Variants in SLC44A5 observed in about 807,000 individuals in gnomAD.
SLC44A5 encodes the protein choline transporter-like protein 5.
SLC44A5 carries 57 observed loss-of-function variants against 101.8 expected under a neutral mutation model. That is an observed-to-expected ratio of 0.56 (90% confidence interval 0.45 to 0.70). The LOEUF is 0.70. Among genes scored for constraint, SLC44A5 ranks in the 30% least tolerant of loss-of-function variants. SLC44A5 has a pLI of 0.00. For synonymous variants in SLC44A5, 281 were observed against 290.9 expected, an observed-to-expected ratio of 0.97 and a Z score of 0.35; for missense variants, 737 against 853.1, an observed-to-expected ratio of 0.86 and a Z score of 1.70.
At chr1:75,468,049 T>A (rs1044586518) in intron 2 of SLC44A5, among the ~76,000 whole-genome samples, 1 of 151,862 alleles carries the variant, frequency 6.6e-6, no homozygotes, top group Admixed American at 6.6e-5. Flanking sequence ...AAAAAAGGCA[T>A]ACAAAAGGCA....
intron 3 of SLC44A5, among the ~76,000 whole-genome samples, chr1:75,392,681 T>TA (rs1661869452): frequency 6.6e-6 from 1 of 152,158 alleles, no homozygotes; most frequent in Non-Finnish European, 1.5e-5. Flanking sequence ...GAAATTGTTC[T>TA]ACCAAAAAGA....
chr1:75,668,539 C>T, the SLC44A5 span, among the ~76,000 whole-genome samples: 1 of 151,094 alleles, frequency 6.6e-6, no homozygotes, highest in East Asian at 1.9e-4. Flanking sequence ...GTCAGCTGGT[C>T]TCCAGCTCCT....
chr1:75,670,426 G>T, the SLC44A5 span, among the ~76,000 whole-genome samples: 76 of 152,158 alleles, frequency 5.0e-4, 1 homozygote, highest in South Asian at 0.015. Context: ...GAATGAAAGG[G>T]AATTTGCCTT....
At chr1:75,516,396 A>G (rs993014849) in intron 2 of SLC44A5, among the ~76,000 whole-genome samples, 2 of 152,182 alleles carry the variant, frequency 1.3e-5, no homozygotes, top group Non-Finnish European at 2.9e-5. Flanking sequence ...GGGCGCCTGT[A>G]GTCCCAGCTA....
intron 2 of SLC44A5, among the ~76,000 whole-genome samples, chr1:75,482,556 C>G (rs982096301): frequency 7.9e-5 from 12 of 152,136 alleles, no homozygotes; most frequent in African/African-American, 2.9e-4. Flanking sequence ...CTGCAACAGT[C>G]TCTGATGTTT....
chr1:75,647,164 C>A, the SLC44A5 span, among the ~76,000 whole-genome samples: 1 of 152,304 alleles, frequency 6.6e-6, no homozygotes, highest in South Asian at 2.1e-4. Context: ...TGGTGCCCTG[C>A]ATCTCAGCCA....
intron 3 of SLC44A5, among the ~76,000 whole-genome samples, chr1:75,379,827 G>T (rs1303152848): frequency 1.2e-5 from 1 of 82,166 alleles, no homozygotes; most frequent in Non-Finnish European, 2.1e-5. Context: ...ACATTTGGAA[G>T]AAAATGTTAT....
At chr1:75,503,732 T>G (rs1669093568) in intron 2 of SLC44A5, among the ~76,000 whole-genome samples, 1 of 152,128 alleles carries the variant, frequency 6.6e-6, no homozygotes, top group South Asian at 2.1e-4. Context: ...GTCATAATAC[T>G]TAGGTTGCAA....
the SLC44A5 span, among the ~76,000 whole-genome samples, chr1:75,640,848 G>A: frequency 6.6e-6 from 1 of 152,032 alleles, no homozygotes; most frequent in Non-Finnish European, 1.5e-5. Flanking sequence ...GGGCTTCATG[G>A]CCTTCTGAGG....
intron 1 of SLC44A5, among the ~76,000 whole-genome samples, chr1:75,542,029 T>C (rs1671380662): frequency 6.6e-6 from 1 of 152,142 alleles, no homozygotes; most frequent in Non-Finnish European, 1.5e-5. Flanking sequence ...GGCATATCAC[T>C]CTATAAAAAT....
chr1:75,678,858 C>T, the SLC44A5 span, among the ~76,000 whole-genome samples: 1 of 152,156 alleles, frequency 6.6e-6, no homozygotes, highest in East Asian at 1.9e-4. Context: ...AAGTTGAAAA[C>T]TTTGAAAAAA....
chr1:75,295,800 C>T (rs1000053129), intron 5 of SLC44A5, among the ~76,000 whole-genome samples: 2 of 152,188 alleles, frequency 1.3e-5, no homozygotes, highest in African/African-American at 4.8e-5. Flanking sequence ...TACAAAGTCT[C>T]TACACCTAGG....
chr1:75,339,363 C>T lies in SLC44A5; in HGVS notation c.101+219G>A, dbSNP rs368588378. Among the ~76,000 whole-genome samples the T allele has an allele frequency of 3.9e-5, 6 of 152,168 alleles. No individual in the cohort carries two copies. In the East Asian group the frequency reaches 9.6e-4, roughly 24 times the overall value. Reference sequence around the variant, plus strand: ...AAACACTTAGTTTAATAATGTAAGGCAGTTCATTTGCTAATGGGAGAAGAT... The same window carrying T: ...AAACACTTAGTTTAATAATGTAAGGTAGTTCATTTGCTAATGGGAGAAGAT... On this transcript the variant is annotated intron_variant, in intron 4 of 23. Coordinates refer to ENST00000370859, the MANE Select transcript of SLC44A5 (RefSeq NM_001130058.2).
rs1458398147 is a variant in SLC44A5, at chr1:75,275,541, A to C, written c.176-499T>G. The stretch of plus-strand genomic sequence containing the variant: ...CTTTATGATTTCATGTGACATTATA[A>C]AGGCAAACAATAGCAACTGCAGAGG... On this transcript the variant is annotated intron_variant, in intron 5 of 23. Transcript: ENST00000370859. 2.6e-5 allele frequency among the ~76,000 whole-genome samples: 4 copies of C among 152,156 alleles called. No individual in the cohort carries two copies. In the East Asian group the frequency reaches 7.7e-4, roughly 29 times the overall value.
chr1:75,302,457 T>A (rs1456558173), intron 4 of SLC44A5, among the ~76,000 whole-genome samples: 1 of 152,168 alleles, frequency 6.6e-6, no homozygotes, highest in African/African-American at 2.4e-5. Flanking sequence ...TCTATAATGT[T>A]ATATGTTTGT....
intron 6 of SLC44A5, among the ~76,000 whole-genome samples, chr1:75,271,517 G>GTGTGTGTC (rs1651477617): frequency 6.6e-6 from 1 of 151,140 alleles, no homozygotes; most frequent in Admixed American, 6.6e-5. Flanking sequence ...GTGTGTGTGT[G>GTGTGTGTC]TGTGTGTCCT....
chr1:75,644,939 C>T, the SLC44A5 span, among the ~76,000 whole-genome samples: 2 of 152,128 alleles, frequency 1.3e-5, no homozygotes, highest in Non-Finnish European at 2.9e-5. Flanking sequence ...ATCCATGTCC[C>T]TCCAAAGGAC....
rs1656865765 is a variant in SLC44A5, at chr1:75,329,554, G to C, written c.101+10028C>G. On this transcript the variant is annotated intron_variant, in intron 4 of 23. Transcript: ENST00000370859. ...ATTTTTAAATGTATTAACATTAGTG[G>C]TTGAAATTTTAAGTTTATTGGGAGC... Among the ~76,000 whole-genome samples, 5 of 152,028 alleles carry C rather than the reference G, an allele frequency of 3.3e-5. No individual in the cohort carries two copies. The South Asian group carries it at 1.0e-3, about 32-fold the overall frequency.
At chr1:75,431,608 G>A (rs565555083) in intron 2 of SLC44A5, among the ~76,000 whole-genome samples, 57 of 152,234 alleles carry the variant, frequency 3.7e-4, no homozygotes, top group African/African-American at 1.3e-3. Context: ...GTCTAGTGGC[G>A]AGGAGGAGTG....
Sources: gnomAD v4.1 joint callset for allele counts (sites outside exome capture counted in the v4.1 genomes callset) on GRCh38, gnomAD v4.1.1 for gene constraint, MANE v1.5 for transcripts, NCBI Gene and HGNC (gene_info 2026-07-23, HGNC 2026-07-21) for gene names.